The following AGAP1 variants were observed in gnomAD, a reference collection of about 807,000 sequenced individuals.
AGAP1 encodes ArfGAP with GTPase domain, ankyrin repeat and PH domain 1.
In AGAP1, 29 loss-of-function variants were observed where a neutral mutation model predicts 105.3. The observed-to-expected ratio is 0.28, with a 90% CI of 0.21 to 0.38. The LOEUF (loss-of-function observed/expected upper bound fraction) is 0.38, where lower values mean the gene tolerates loss of function less well. Ranked by LOEUF, AGAP1 falls within the 10% of genes least tolerant of loss-of-function variation. The pLI is 1.00. For missense variants in AGAP1, 998 were observed against 1,165.1 expected, an observed-to-expected ratio of 0.86 and a Z score of 2.09; for synonymous variants, 509 against 485.9, an observed-to-expected ratio of 1.05 and a Z score of -0.63.
intron 1 of AGAP1, among the ~76,000 whole-genome samples, chr2:235,703,172 C>A (rs939214724): frequency 6.6e-6 from 1 of 152,056 alleles, no homozygotes; most frequent in African/African-American, 2.4e-5. Context: ...AAGTGATCCG[C>A]CTGCCTCAGC....
At position 236,067,129 on chromosome 2, in the gene AGAP1, G is replaced by C. The variant is rs78411856; in HGVS notation, c.2114+17848G>C. Among the ~76,000 whole-genome samples, 302 of 151,900 alleles carry C rather than the reference G, an allele frequency of 2.0e-3. 1 individual carries two copies. The highest frequency in any genetic ancestry group is 6.9e-3 in the African/African-American group (286 of 41,392). The stretch of plus-strand genomic sequence containing the variant: ...GGGTTCAGAGTTCCAACTCAGGTCA[G>C]ACTGGCAGCATCCAACCTGGTCTTT... On this transcript the variant is annotated intron_variant, in intron 16 of 17. Coordinates refer to ENST00000304032, the MANE Select transcript of AGAP1 (RefSeq NM_001037131.3).
At chr2:235,797,911 A>C (rs1218449218) in intron 7 of AGAP1, 25 bp downstream of exon 7, 1 of 1,613,648 alleles carries the variant, frequency 6.2e-7, no homozygotes, top group Non-Finnish European at 8.5e-7. Flanking sequence ...ATGAGAAGTC[A>C]GACTCTTAGA....
chr2:236,024,034 G>GA (rs1361722482), intron 13 of AGAP1, among the ~76,000 whole-genome samples: 2 of 129,114 alleles, frequency 1.5e-5, no homozygotes, highest in African/African-American at 5.7e-5. Flanking sequence ...TTTTTTTTTT[G>GA]TTTTTTTTTT....
intron 1 of AGAP1, among the ~76,000 whole-genome samples, chr2:235,496,702 A>G (rs568697938): frequency 6.6e-6 from 1 of 152,198 alleles, no homozygotes. Flanking sequence ...AAGCACTTCC[A>G]GCAAAGCAGT....
chr2:236,029,395 C>T (rs1048066822), intron 13 of AGAP1, among the ~76,000 whole-genome samples: 2 of 151,810 alleles, frequency 1.3e-5, no homozygotes, highest in Non-Finnish European at 2.9e-5. Flanking sequence ...CCTGCCTCAG[C>T]CTCCTGAGTA....
At chr2:235,565,268 G>A (rs1574857897) in intron 1 of AGAP1, among the ~76,000 whole-genome samples, 1 of 152,182 alleles carries the variant, frequency 6.6e-6, no homozygotes, top group South Asian at 2.1e-4. Context: ...ATCTTCGCAG[G>A]GCCAGGTATG....
intron 15 of AGAP1, among the ~76,000 whole-genome samples, chr2:236,043,260 C>T (rs946631178): frequency 2.6e-5 from 4 of 152,198 alleles, no homozygotes; most frequent in Admixed American, 1.3e-4. Flanking sequence ...CAGCTGTATA[C>T]TCCAGGAACT....
intron 16 of AGAP1, among the ~76,000 whole-genome samples, chr2:236,117,922 G>A (rs3729571): frequency 2.6e-5 from 4 of 151,940 alleles, no homozygotes; most frequent in Non-Finnish European, 4.4e-5. Context: ...CTGCATTTGT[G>A]GGGGCCGGTG....
intron 1 of AGAP1, among the ~76,000 whole-genome samples, chr2:235,667,515 G>C (rs1210230678): frequency 3.3e-5 from 5 of 152,080 alleles, no homozygotes; most frequent in African/African-American, 1.2e-4. Context: ...CCTTACTGAG[G>C]AGCTGTGTAG....
At chr2:236,066,025 G>T (rs1003372459) in intron 16 of AGAP1, among the ~76,000 whole-genome samples, 2 of 152,258 alleles carry the variant, frequency 1.3e-5, no homozygotes, top group East Asian at 1.9e-4. Flanking sequence ...CCCTCAGTGG[G>T]ATGTGCCCTC....
At chr2:235,678,220 T>C (rs1948864043) in intron 1 of AGAP1, among the ~76,000 whole-genome samples, 1 of 152,188 alleles carries the variant, frequency 6.6e-6, no homozygotes, top group African/African-American at 2.4e-5. Context: ...GAGAGTCTGT[T>C]CTCTTTTGGA....
intron 16 of AGAP1, among the ~76,000 whole-genome samples, chr2:236,054,275 A>G (rs2057988628): frequency 6.6e-6 from 1 of 152,204 alleles, no homozygotes; most frequent in African/African-American, 2.4e-5. Context: ...GTTTGATCAT[A>G]AGATCACAAT....
At position 235,965,218 on chromosome 2, in the gene AGAP1, T is replaced by C. The variant is rs2054341992; in HGVS notation, c.1484-3244T>C. 6.6e-6 allele frequency among the ~76,000 whole-genome samples: 1 copy of C among 152,132 alleles called. No individual in the cohort carries two copies. ...AATGCAAAGGTCAGAGTGAGTGCTG[T>C]TTCTTGGGAGCCGGCTGCCGGGAAG... On this transcript the variant is annotated intron_variant, in intron 12 of 17. Transcript: ENST00000304032. This position sits in a 1 kb window ranked among gnomAD's most constrained non-coding sequence, Gnocchi z 5.8.
rs1052437476 is a variant in AGAP1, at chr2:235,601,059, A to C, written c.163+106210A>C. 3.3e-5 allele frequency among the ~76,000 whole-genome samples: 5 copies of C among 152,188 alleles called. No homozygotes were observed. The highest frequency in any genetic ancestry group is 9.7e-5 in the African/African-American group (4 of 41,428). ...CCAAGCTGGGAAACGCCACTGCCAC[A>C]GTACCTGCAGGGTCCAGCCAGCTCC... On this transcript the variant is annotated intron_variant, in intron 1 of 17. Coordinates refer to ENST00000304032, the MANE Select transcript of AGAP1 (RefSeq NM_001037131.3). The surrounding 1 kb of genome is among the most constrained non-coding windows in gnomAD (Gnocchi z 4.4).
chr2:236,077,924 GTC>G (rs1313497625), intron 16 of AGAP1, among the ~76,000 whole-genome samples: 2 of 152,124 alleles, frequency 1.3e-5, no homozygotes, highest in Non-Finnish European at 2.9e-5. Flanking sequence ...CTCACCTTGC[GTC>G]TCCCCTGGGT....
intron 11 of AGAP1, among the ~76,000 whole-genome samples, chr2:235,918,998 A>G (rs552183973): frequency 6.6e-6 from 1 of 152,264 alleles, no homozygotes; most frequent in African/African-American, 2.4e-5. Flanking sequence ...CCTACAAGTA[A>G]ATAAAAGGTG....
intron 1 of AGAP1, among the ~76,000 whole-genome samples, chr2:235,646,754 T>A (rs1947400859): frequency 6.6e-6 from 1 of 152,192 alleles, no homozygotes; most frequent in Admixed American, 6.5e-5. Context: ...CCCTTAGGCC[T>A]TGAGAGGCAC....
chr2:235,748,205 G>T (rs2149698804), intron 5 of AGAP1, among the ~76,000 whole-genome samples: 1 of 152,360 alleles, frequency 6.6e-6, no homozygotes, highest in East Asian at 1.9e-4. Flanking sequence ...TGCAGTGGCA[G>T]AGATTCCCGT....
chr2:235,570,731 T>G (rs1040664950), intron 1 of AGAP1, among the ~76,000 whole-genome samples: 2 of 152,206 alleles, frequency 1.3e-5, no homozygotes, highest in Admixed American at 6.5e-5. Context: ...CCAGCTTCCT[T>G]GAGCCTCGGT....
Sources: allele counts gnomAD v4.1 joint callset (sites outside exome capture counted in the v4.1 genomes callset), GRCh38; gene constraint gnomAD v4.1.1; non-coding constraint Gnocchi (gnomAD v3.1); transcripts MANE v1.5; gene names NCBI Gene and HGNC (gene_info 2026-07-23, HGNC 2026-07-21).